Variants in IL1RAPL2 observed in about 807,000 individuals in gnomAD.
IL1RAPL2 encodes the protein interleukin 1 receptor accessory protein like 2.
In IL1RAPL2, 3 loss-of-function variants were observed where a neutral mutation model predicts 44.1. The observed-to-expected ratio is 0.07, with a 90% CI of 0.03 to 0.18. IL1RAPL2 has a LOEUF of 0.18. Ranked by LOEUF, IL1RAPL2 falls within the 10% of genes least tolerant of loss-of-function variation. The pLI is 1.00. For synonymous variants in IL1RAPL2, 181 were observed against 178.8 expected (o/e 1.01, Z -0.10); for missense variants, 391 against 496.4 (o/e 0.79, Z 2.02).
intron 2 of IL1RAPL2, among the ~76,000 whole-genome samples, chrX:105,147,828 A>G (rs1268866904): frequency 3.6e-5 from 4 of 111,508 alleles, no homozygotes; most frequent in Non-Finnish European, 7.5e-5. Context: ...TTATATAGAC[A>G]TATGATTTTA....
chrX:105,341,971 AT>A (rs771091932), intron 5 of IL1RAPL2, among the ~76,000 whole-genome samples: 15 of 109,800 alleles, frequency 1.4e-4, no homozygotes, highest in Admixed American at 2.9e-4. Context: ...ATGGAATACT[AT>A]GCAGCCATAA....
intron 3 of IL1RAPL2, among the ~76,000 whole-genome samples, chrX:105,232,292 T>C (rs2034078047): frequency 8.9e-6 from 1 of 111,764 alleles, no homozygotes; most frequent in African/African-American, 3.3e-5. Flanking sequence ...ATGTCGGGGA[T>C]ATAAAATTTC....
chrX:104,679,115 G>A (rs1448483867), intron 2 of IL1RAPL2, among the ~76,000 whole-genome samples: 2 of 111,274 alleles, frequency 1.8e-5, no homozygotes, highest in Non-Finnish European at 3.8e-5. Flanking sequence ...CAGTGAAGGG[G>A]CCCTTAGCAC....
intron 2 of IL1RAPL2, among the ~76,000 whole-genome samples, chrX:104,787,683 G>A (rs1185155171): frequency 1.8e-5 from 2 of 111,940 alleles, no homozygotes; most frequent in African/African-American, 6.5e-5. Context: ...ACTGAGTCAT[G>A]TAGCTCAAGA....
At chrX:105,342,560 T>C (rs2035079776) in intron 5 of IL1RAPL2, among the ~76,000 whole-genome samples, 1 of 111,673 alleles carries the variant, frequency 9.0e-6, no homozygotes, top group South Asian at 3.8e-4. Flanking sequence ...GGAAGATCGC[T>C]AGATAGCTTC....
chrX:104,640,812 A>C (rs1259160753), intron 1 of IL1RAPL2, among the ~76,000 whole-genome samples: 1 of 112,202 alleles, frequency 8.9e-6, no homozygotes, highest in African/African-American at 3.2e-5. Context: ...TATGATTGTT[A>C]ATGGAGACTG....
intron 1 of IL1RAPL2, among the ~76,000 whole-genome samples, chrX:104,609,796 T>C (rs1238911297): frequency 8.9e-6 from 1 of 111,962 alleles, no homozygotes; most frequent in African/African-American, 3.2e-5. Flanking sequence ...GGTTAGAACA[T>C]GCTCCTTTAG....
chrX:105,470,928 C>T (rs1280119057), intron 5 of IL1RAPL2, among the ~76,000 whole-genome samples: 2 of 111,456 alleles, frequency 1.8e-5, no homozygotes, highest in Non-Finnish European at 3.8e-5. Flanking sequence ...GGCCCTTGTC[C>T]TTTCAACCTT....
intron 2 of IL1RAPL2, among the ~76,000 whole-genome samples, chrX:104,852,407 G>T (rs868081841): frequency 3.0e-4 from 34 of 111,922 alleles, no homozygotes; most frequent in African/African-American, 1.0e-3. Flanking sequence ...GTGTATGTAA[G>T]GTCTTTGTCC....
intron 2 of IL1RAPL2, among the ~76,000 whole-genome samples, chrX:104,690,911 G>T (rs1931080959): frequency 1.8e-5 from 2 of 111,786 alleles, no homozygotes; most frequent in South Asian, 7.5e-4. Context: ...TGATACAAAG[G>T]CATCCAGCCT....
chrX:105,418,320 A>G (rs745356237), intron 5 of IL1RAPL2, among the ~76,000 whole-genome samples: 17 of 111,289 alleles, frequency 1.5e-4, no homozygotes, highest in Non-Finnish European at 2.6e-4. Context: ...TATTTTGTAT[A>G]GTAGGGTCCC....
intron 2 of IL1RAPL2, among the ~76,000 whole-genome samples, chrX:105,051,964 C>A (rs1256971457): frequency 8.9e-6 from 1 of 112,388 alleles, no homozygotes; most frequent in Non-Finnish European, 1.9e-5. Context: ...CCTGCAGTTT[C>A]TGCACATGTA....
At chrX:105,180,407 C>A (rs2033520055) in intron 2 of IL1RAPL2, among the ~76,000 whole-genome samples, 1 of 111,010 alleles carries the variant, frequency 9.0e-6, no homozygotes, top group Non-Finnish European at 1.9e-5. Flanking sequence ...TTGTCTTGTT[C>A]CAGATTTTAG....
chrX:105,196,834 C>T (rs1485702203), intron 3 of IL1RAPL2, among the ~76,000 whole-genome samples: 2 of 111,018 alleles, frequency 1.8e-5, no homozygotes, highest in Admixed American at 1.9e-4. Flanking sequence ...TTCAATTCTG[C>T]AATTTTGGGA....
At chrX:105,755,087 G>A (rs975486822) in intron 9 of IL1RAPL2, 90 bp from the exon 10 acceptor site, 7 of 529,856 alleles carry the variant, frequency 1.3e-5, no homozygotes, top group African/African-American at 9.4e-5. Flanking sequence ...TATTAAAGAC[G>A]GTCACTAATT....
chrX:105,087,785 A>G (rs2032496525), intron 2 of IL1RAPL2, among the ~76,000 whole-genome samples: 1 of 112,223 alleles, frequency 8.9e-6, no homozygotes, highest in Non-Finnish European at 1.9e-5. Flanking sequence ...GTCTAGAATT[A>G]TGTACTAATT....
At chrX:104,852,023 T>C (rs773675837) in intron 2 of IL1RAPL2, among the ~76,000 whole-genome samples, 10 of 111,392 alleles carry the variant, frequency 9.0e-5, no homozygotes, top group Non-Finnish European at 1.3e-4. Context: ...CACTGCCACA[T>C]TGGGGATCAA....
chrX:104,667,976 T>G (rs1483969272), intron 2 of IL1RAPL2, among the ~76,000 whole-genome samples: 1 of 111,593 alleles, frequency 9.0e-6, no homozygotes, highest in Non-Finnish European at 1.9e-5. Flanking sequence ...CTGTGAAGAC[T>G]GGATTGGGCA....
chrX:104,897,558 G>T (rs953565646), intron 2 of IL1RAPL2, among the ~76,000 whole-genome samples: 1 of 112,332 alleles, frequency 8.9e-6, no homozygotes, highest in African/African-American at 3.2e-5. Context: ...CCACCTCTCT[G>T]TGGGAAAATT....
Sources: gnomAD v4.1 joint callset for allele counts (sites outside exome capture counted in the v4.1 genomes callset) on GRCh38, gnomAD v4.1.1 for gene constraint, MANE v1.5 for transcripts, NCBI Gene and HGNC (gene_info 2026-07-23, HGNC 2026-07-21) for gene names.